The following KCNIP2 variants were observed in gnomAD, a reference collection of about 807,000 sequenced individuals.
KCNIP2 encodes the protein potassium voltage-gated channel interacting protein 2.
KCNIP2 carries 19 observed loss-of-function variants against 39.0 expected under a neutral mutation model. The observed-to-expected ratio is 0.49, with a 90% confidence interval of 0.34 to 0.71. The LOEUF (loss-of-function observed/expected upper bound fraction) is 0.71. Among genes scored for constraint, KCNIP2 ranks in the 30% least tolerant of loss-of-function variants. The probability of loss-of-function intolerance (pLI) is 0.01; values close to 1 mark genes in which losing one functional copy is unlikely to be tolerated. For synonymous variants in KCNIP2, 111 were observed against 131.2 expected, an observed-to-expected ratio of 0.85 and a Z score of 1.05; for missense variants, 261 against 346.0, an observed-to-expected ratio of 0.75 and a Z score of 1.95.
chr10:101,837,790 T>G lies in KCNIP2; in HGVS notation c.73+5706A>C, dbSNP rs180754924. Among the ~76,000 whole-genome samples, 309 of 152,290 alleles carry G rather than the reference T, an allele frequency of 2.0e-3. 4 individuals are homozygous for G. The highest frequency in any genetic ancestry group is 7.2e-3 in the African/African-American group (299 of 41,564). Reference sequence around the variant, plus strand: ...GAATCCTAGGGCCTACAGCTTAGTTTAGGTAAGGGAGCTATGGGTAATAAA... The same window carrying G: ...GAATCCTAGGGCCTACAGCTTAGTTGAGGTAAGGGAGCTATGGGTAATAAA... On this transcript the variant is annotated intron_variant, in intron 1 of 9. Transcript: ENST00000356640.
chr10:101,834,283 C>T, intron 1 of KCNIP2: 1 of 399,340 alleles, frequency 2.5e-6, no homozygotes, highest in Non-Finnish European at 4.4e-6. Flanking sequence ...AGGAGACAGG[C>T]TCAAAGAGGC....
In KCNIP2 at chr10:101,838,146, T is replaced by G. The variant is rs1458375972; in HGVS notation, c.73+5350A>C. Reference sequence around the variant, plus strand: ...AAGTCCTCGGGTTCAGTGAGAAACTTGCCAGATCCATCCTCCCCAAGCATC... The same window carrying G: ...AAGTCCTCGGGTTCAGTGAGAAACTGGCCAGATCCATCCTCCCCAAGCATC... On this transcript the variant is annotated intron_variant, in intron 1 of 9. Coordinates refer to ENST00000356640, the MANE Select transcript of KCNIP2 (RefSeq NM_173191.3). The surrounding 1 kb of genome is among the most constrained non-coding windows in gnomAD (Gnocchi z 4.0). 6.6e-6 allele frequency among the ~76,000 whole-genome samples: 1 copy of G among 152,202 alleles called. No individual in the cohort carries two copies. Among genetic ancestry groups the G allele is most frequent in the Non-Finnish European group, 1.5e-5 (1 of 68,038 alleles).
chr10:101,837,759 G>A (rs2066209076), intron 1 of KCNIP2, among the ~76,000 whole-genome samples: 1 of 152,178 alleles, frequency 6.6e-6, no homozygotes. Context: ...TGTGCGGGGT[G>A]TCAAGGAATC....
At chr10:101,840,790 C>G (rs1301757397) in intron 1 of KCNIP2, among the ~76,000 whole-genome samples, 1 of 152,272 alleles carries the variant, frequency 6.6e-6, no homozygotes, top group African/African-American at 2.4e-5. Flanking sequence ...CACTTGACGG[C>G]GACTATCCCC....
At chr10:101,830,681 C>CCACACACA (rs61337190) in intron 2 of KCNIP2, among the ~76,000 whole-genome samples, 8 of 145,300 alleles carry the variant, frequency 5.5e-5, no homozygotes, top group Admixed American at 2.7e-4. Context: ...CTGGTCACGC[C>CCACACACA]CACACACACA....
rs1026389728 is a variant in KCNIP2 at position 101,843,272 on chromosome 10, C to T, written c.73+224G>A. ...CACCCTCTCAGCCCTGTGTCACATA[C>T]GCCCACACCTGCTGCCTCTCCACAC... On this transcript the variant is annotated intron_variant, in intron 1 of 9. Coordinates refer to ENST00000356640, the MANE Select transcript of KCNIP2 (RefSeq NM_173191.3). This position sits in a 1 kb window ranked among gnomAD's most constrained non-coding sequence, Gnocchi z 6.7. 2.6e-5 allele frequency among the ~76,000 whole-genome samples: 4 copies of T among 152,214 alleles called. No individual in the cohort carries two copies. Among genetic ancestry groups the T allele is most frequent in the Non-Finnish European group, 5.9e-5 (4 of 68,028 alleles).
Position 101,839,876 on chromosome 10 carries a change from C to T in KCNIP2, c.73+3620G>A, listed in dbSNP as rs775862468. 1.4e-5 allele frequency: 22 copies of T among 1,557,236 alleles called. No homozygotes were observed. In the African/African-American group the frequency reaches 2.9e-4, roughly 21 times the overall value. On this transcript the variant is annotated intron_variant, in intron 1 of 9. Coordinates refer to ENST00000356640, the MANE Select transcript of KCNIP2 (RefSeq NM_173191.3). ...CGAGCTCGGCGTCTAAGCTCCACCC[C>T]CAGGCCCCGGGGCGGTCCGGTCTCC...
At chr10:101,840,414 A>T (rs374670359) in intron 1 of KCNIP2, among the ~76,000 whole-genome samples, 3 of 151,720 alleles carry the variant, frequency 2.0e-5, no homozygotes, top group African/African-American at 7.3e-5. Context: ...GTTGTGCCCC[A>T]CTGCCTTCTG....
Position 101,827,388 on chromosome 10 carries a change from T to C in KCNIP2, c.778A>G (p.Met260Val). Residue 260 changes from methionine (M) to valine (V), a missense_variant, in exon 10 of 10, where the codon ATG becomes GTG. By Grantham distance (21) the Met-to-Val change is conservative (BLOSUM62 1). Coordinates refer to ENST00000356640, the MANE Select transcript of KCNIP2 (RefSeq NM_173191.3). ...IESCQKDENI[M>V]RSMQLFDNVI ...TTGTCAAAGAGCTGCATGGACCTCA[T>C]GATGTTCTCATCCTGTGGCCATGAT... The C allele has an allele frequency of 6.2e-7, 1 of 1,606,064 alleles. No individual in the cohort carries two copies. The highest frequency in any genetic ancestry group is 1.1e-5 in the South Asian group (1 of 90,838).
chr10:101,834,393 A>G lies in KCNIP2; in HGVS notation c.74-3226T>C, dbSNP rs1564668737. On this transcript the variant is annotated intron_variant, in intron 1 of 9. Transcript: ENST00000356640. ...ATGGTGGGCCTGGGGCATGGCCCCT[A>G]CAGGGCCCAGGTTCAGATACGCCGG... is the stretch of plus-strand genomic sequence containing the variant. 1.0e-5 allele frequency: 4 copies of G among 398,888 alleles called. No individual in the cohort carries two copies. The Admixed American group carries it at 1.3e-4, about 13-fold the overall frequency. The allele number at this position is 398,888 out of a possible 1,614,324, so 24.7% of individuals were successfully genotyped here. A position where few individuals can be genotyped will look rare whatever the true frequency, so the allele number is the denominator to read the frequency against.
At position 101,827,575 on chromosome 10, in the gene KCNIP2, T is replaced by G. The variant is rs1186365433; in HGVS notation, c.765+114A>C. 2.2e-6 allele frequency: 3 copies of G among 1,355,824 alleles called. No individual in the cohort carries two copies. The African/African-American group carries it at 4.3e-5, about 19-fold the overall frequency. The allele number at this position is 1,355,824 out of a possible 1,614,324, so 84.0% of individuals were successfully genotyped here. On this transcript the variant is annotated intron_variant, in intron 9 of 9. Coordinates refer to ENST00000356640, the MANE Select transcript of KCNIP2 (RefSeq NM_173191.3). The stretch of plus-strand genomic sequence containing the variant: ...TAAGCCTCCCACAAAGGAATAGGAT[T>G]GAAATATGGGGGTGAGGTGGGAAGG...
In KCNIP2 at chr10:101,838,089, G is replaced by C. The variant is rs2066217310; in HGVS notation, c.73+5407C>G. ...AGTGAAAGGATGAGTTATTTTTCCA[G>C]GCTGTCCCTTCTCCCCACTCAGAGA... On this transcript the variant is annotated intron_variant, in intron 1 of 9. Transcript: ENST00000356640. This position sits in a 1 kb window ranked among gnomAD's most constrained non-coding sequence, Gnocchi z 4.0. Among the ~76,000 whole-genome samples the C allele has an allele frequency of 1.3e-5, 2 of 152,188 alleles. No homozygotes were observed. Among genetic ancestry groups the C allele is most frequent in the South Asian group, 4.1e-4 (2 of 4,824 alleles).
chr10:101,827,352 G>T lies in KCNIP2; in HGVS notation c.*1C>A. 6.2e-7 allele frequency: 1 copy of T among 1,603,770 alleles called. No individual in the cohort carries two copies. The highest frequency in any genetic ancestry group is 2.2e-5 in the East Asian group (1 of 44,514). The stretch of plus-strand genomic sequence containing the variant: ...GAAACACTGACCCCCTCTCCTGGGG[G>T]CTAGATGACATTGTCAAAGAGCTGC... On this transcript the variant is annotated 3_prime_UTR_variant, in exon 10 of 10. Coordinates refer to ENST00000356640, the MANE Select transcript of KCNIP2 (RefSeq NM_173191.3).
In KCNIP2 at chr10:101,838,001, C is replaced by T. The variant is rs2066215236; in HGVS notation, c.73+5495G>A. Among the ~76,000 whole-genome samples the T allele has an allele frequency of 6.6e-6, 1 of 152,224 alleles. No individual in the cohort carries two copies. The highest frequency in any genetic ancestry group is 2.4e-5 in the African/African-American group (1 of 41,458). On this transcript the variant is annotated intron_variant, in intron 1 of 9. Transcript: ENST00000356640. The surrounding 1 kb of genome is among the most constrained non-coding windows in gnomAD (Gnocchi z 4.0). ...CACTCTCAACTCTCAGAGACCTTGA[C>T]CCAGCCTTGCCAGGACTCATGGTCC...
intron 1 of KCNIP2, among the ~76,000 whole-genome samples, chr10:101,833,164 T>C (rs886123067): frequency 2.6e-5 from 4 of 152,124 alleles, no homozygotes; most frequent in African/African-American, 9.7e-5. Context: ...TTCTAGTCTG[T>C]CTTCCTGTCC....
chr10:101,841,075 G>T (rs79076607), intron 1 of KCNIP2, among the ~76,000 whole-genome samples: 1 of 152,374 alleles, frequency 6.6e-6, no homozygotes, highest in Non-Finnish European at 1.5e-5. Context: ...TTAGACAGGG[G>T]TCCGGGCGGG....
At position 101,839,951 on chromosome 10, in the gene KCNIP2, C is replaced by T; in HGVS notation, c.73+3545G>A. On this transcript the variant is annotated intron_variant, in intron 1 of 9. Transcript: ENST00000356640. ...GGGCGGCGCGGGAGGGCCGGCCCGG[C>T]AGGCATAGGATCGAAACCCTGGAGC... 1.1e-5 allele frequency: 11 copies of T among 1,023,212 alleles called. No homozygotes were observed. In the South Asian group the frequency reaches 1.6e-4, roughly 15 times the overall value. 63.4% of individuals were successfully genotyped at this position (1,023,212 alleles called of 1,614,324 possible).
intron 1 of KCNIP2, among the ~76,000 whole-genome samples, chr10:101,841,420 G>C (rs1218662717): frequency 6.6e-6 from 1 of 152,194 alleles, no homozygotes; most frequent in Non-Finnish European, 1.5e-5. Flanking sequence ...GGGAGTCTTC[G>C]TTGACACTGG....
At chr10:101,830,194 A>C (rs997965131) in intron 2 of KCNIP2, among the ~76,000 whole-genome samples, 1 of 152,216 alleles carries the variant, frequency 6.6e-6, no homozygotes, top group Non-Finnish European at 1.5e-5. Context: ...TGAGGTGGGC[A>C]AGGCCCAACT....
Sources: gnomAD v4.1 joint callset for allele counts (sites outside exome capture counted in the v4.1 genomes callset) on GRCh38, gnomAD v4.1.1 for gene constraint, Gnocchi (gnomAD v3.1) non-coding constraint, MANE v1.5 for transcripts, NCBI Gene and HGNC (gene_info 2026-07-23, HGNC 2026-07-21) for gene names.